IGSF21: variants seen among roughly 807,000 people sequenced by gnomAD.
IGSF21 encodes immunoglobin superfamily member 21, also known as immunoglobulin superfamily member 21.
A neutral mutation model predicts 46.8 loss-of-function variants in IGSF21; 28 were observed. The ratio of observed to expected loss-of-function variants is 0.60; its 90% CI spans 0.44 to 0.82. IGSF21 has a LOEUF of 0.82. Ranked by LOEUF, IGSF21 falls within the 40% of genes least tolerant of loss-of-function variation. IGSF21 has a pLI of 0.00. For synonymous variants in IGSF21, 284 were observed against 273.6 expected, an observed-to-expected ratio of 1.04 and a Z score of -0.38; for missense variants, 624 against 665.5, an observed-to-expected ratio of 0.94 and a Z score of 0.69.
chr1:18,186,522 G>A (rs1162542892), intron 1 of IGSF21, among the ~76,000 whole-genome samples: 3 of 152,134 alleles, frequency 2.0e-5, no homozygotes, highest in African/African-American at 7.2e-5. Context: ...TGGCTGGAGA[G>A]CCCAGTGGCT....
chr1:18,172,419 G>A (rs192325008), intron 1 of IGSF21, among the ~76,000 whole-genome samples: 4 of 152,278 alleles, frequency 2.6e-5, no homozygotes, highest in East Asian at 1.9e-4. Flanking sequence ...TAGACTGTGT[G>A]GCTTAAACAA....
At chr1:18,183,039 C>T (rs1032593450) in intron 1 of IGSF21, among the ~76,000 whole-genome samples, 2 of 152,186 alleles carry the variant, frequency 1.3e-5, no homozygotes, top group African/African-American at 4.8e-5. Context: ...CACCCTGCCC[C>T]CTCCTGGGCC....
intron 2 of IGSF21, among the ~76,000 whole-genome samples, chr1:18,261,395 A>G (rs1183415837): frequency 3.3e-5 from 5 of 152,168 alleles, no homozygotes; most frequent in Admixed American, 3.3e-4. Flanking sequence ...GACTGGATGG[A>G]AGGAACTTTC....
At chr1:18,214,759 G>T (rs774922756) in intron 1 of IGSF21, among the ~76,000 whole-genome samples, 1 of 151,970 alleles carries the variant, frequency 6.6e-6, no homozygotes, top group African/African-American at 2.4e-5. Context: ...TTTTTGAGAC[G>T]GAGTCTTGCT....
At chr1:18,124,612 G>A (rs1361054785) in intron 1 of IGSF21, among the ~76,000 whole-genome samples, 2 of 152,124 alleles carry the variant, frequency 1.3e-5, no homozygotes, top group Non-Finnish European at 2.9e-5. Flanking sequence ...GCTGGAGGTG[G>A]CCCCGGACCC....
chr1:18,298,349 A>C (rs1001342736), intron 3 of IGSF21, among the ~76,000 whole-genome samples: 1 of 152,230 alleles, frequency 6.6e-6, no homozygotes, highest in Non-Finnish European at 1.5e-5. Flanking sequence ...TCAATATACC[A>C]AGGTGCCGTA....
chr1:18,332,936 G>A (rs2124604659), intron 3 of IGSF21, among the ~76,000 whole-genome samples: 1 of 152,348 alleles, frequency 6.6e-6, no homozygotes, highest in Middle Eastern at 3.4e-3. Flanking sequence ...GGAGCCAGAA[G>A]ACGAAGATGG....
chr1:18,114,083 T>C (rs2124400443), intron 1 of IGSF21: 1 of 152,194 alleles, frequency 6.6e-6, no homozygotes, highest in African/African-American at 2.4e-5. Context: ...AGCCTTGGAG[T>C]TGCCAGTCAG....
At chr1:18,319,713 C>CT (rs1322412777) in intron 3 of IGSF21, among the ~76,000 whole-genome samples, 9 of 152,326 alleles carry the variant, frequency 5.9e-5, no homozygotes, top group Admixed American at 5.9e-4. Context: ...CCAGATGTTA[C>CT]TTGTCTCCCC....
At chr1:18,320,951 G>C (rs2085594601) in intron 3 of IGSF21, among the ~76,000 whole-genome samples, 1 of 152,184 alleles carries the variant, frequency 6.6e-6, no homozygotes, top group South Asian at 2.1e-4. Context: ...AGGAAACTGG[G>C]CTGATTGACA....
intron 1 of IGSF21, chr1:18,110,409 C>T (rs1047367047): frequency 3.3e-5 from 5 of 152,378 alleles, no homozygotes; most frequent in African/African-American, 1.2e-4. Context: ...GGAGGGCGCC[C>T]TTCCTGGAGG....
chr1:18,217,218 A>T (rs1482771473), intron 1 of IGSF21, among the ~76,000 whole-genome samples: 1 of 152,172 alleles, frequency 6.6e-6, no homozygotes, highest in Admixed American at 6.5e-5. Context: ...CCACTGCTGC[A>T]CTTCCAGATG....
At chr1:18,324,263 T>C (rs1167758155) in intron 3 of IGSF21, among the ~76,000 whole-genome samples, 1 of 152,228 alleles carries the variant, frequency 6.6e-6, no homozygotes, top group East Asian at 1.9e-4. Flanking sequence ...CAAATTCTCC[T>C]GCGTTGTGTG....
chr1:18,151,060 G>A (rs139835022), intron 1 of IGSF21, among the ~76,000 whole-genome samples: 211 of 152,302 alleles, frequency 1.4e-3, no homozygotes, highest in African/African-American at 4.9e-3. Flanking sequence ...CTGTGGCTCA[G>A]CCCTGATGAA....
chr1:18,326,917 C>A (rs534503208), intron 3 of IGSF21, among the ~76,000 whole-genome samples: 8 of 152,172 alleles, frequency 5.3e-5, no homozygotes, highest in African/African-American at 1.9e-4. Context: ...GAGATGGTGG[C>A]AAGAATGAAG....
chr1:18,195,961 G>A (rs2087003532), intron 1 of IGSF21, among the ~76,000 whole-genome samples: 1 of 152,234 alleles, frequency 6.6e-6, no homozygotes, highest in Non-Finnish European at 1.5e-5. Context: ...AGTGGCAGGT[G>A]CAGAGCCCTT....
intron 1 of IGSF21, among the ~76,000 whole-genome samples, chr1:18,214,412 C>T (rs1314528220): frequency 1.3e-5 from 2 of 152,156 alleles, no homozygotes; most frequent in African/African-American, 4.8e-5. Context: ...GATGTTCTTT[C>T]ATGGCCCAAA....
At chr1:18,188,059 C>A (rs1190184280) in intron 1 of IGSF21, among the ~76,000 whole-genome samples, 3 of 152,116 alleles carry the variant, frequency 2.0e-5, no homozygotes, top group Non-Finnish European at 4.4e-5. Flanking sequence ...GTCTTTGTGA[C>A]AACAGGGGAG....
chr1:18,365,279 A>C lies in IGSF21; in HGVS notation c.597A>C (p.Pro199=). ...PIDAVPLSEP[P]AASSGPLQDS... ...ACGCAGTGCCCCTATCAGAGCCACCAGCTGCGAGCTCCGGCCCCCTACAGG... is the reference window on the plus strand; with the variant it reads ...ACGCAGTGCCCCTATCAGAGCCACCCGCTGCGAGCTCCGGCCCCCTACAGG... The change falls in exon 6 of 10, where the codon CCA becomes CCC. Residue 199 remains proline, a synonymous_variant. Coordinates refer to ENST00000251296, the MANE Select transcript of IGSF21 (RefSeq NM_032880.5). This position sits in a 1 kb window ranked among gnomAD's most constrained non-coding sequence, Gnocchi z 4.8. The C allele has an allele frequency of 6.2e-7, 1 of 1,613,766 alleles. No individual in the cohort carries two copies. The highest frequency in any genetic ancestry group is 8.5e-7 in the Non-Finnish European group (1 of 1,179,806).
Sources: allele counts gnomAD v4.1 joint callset (sites outside exome capture counted in the v4.1 genomes callset), GRCh38; gene constraint gnomAD v4.1.1; non-coding constraint Gnocchi (gnomAD v3.1); transcripts MANE v1.5; gene names NCBI Gene and HGNC (gene_info 2026-07-23, HGNC 2026-07-21).